BRINP2: variants seen among roughly 807,000 people sequenced by gnomAD.
The protein encoded by BRINP2 is BMP/retinoic acid-inducible neural-specific protein 2.
In BRINP2, 21 loss-of-function variants were observed where a neutral mutation model predicts 69.2. The observed-to-expected ratio is 0.30, with a 90% CI of 0.22 to 0.44. BRINP2 has a LOEUF of 0.44. Ranked by LOEUF, BRINP2 falls within the 20% of genes least tolerant of loss-of-function variation. BRINP2 has a pLI of 1.00. For synonymous variants in BRINP2, 380 were observed against 394.1 expected (o/e 0.96, Z 0.42); for missense variants, 877 against 986.0 (o/e 0.89, Z 1.48).
chr1:177,198,177 G>A (rs1026090759), intron 1 of BRINP2, among the ~76,000 whole-genome samples: 1 of 152,124 alleles, frequency 6.6e-6, no homozygotes, highest in African/African-American at 2.4e-5. Context: ...AAAAGCCTAT[G>A]GAAAATGTAT....
At chr1:177,238,779 G>A (rs1558171853) in intron 2 of BRINP2, among the ~76,000 whole-genome samples, 1 of 152,212 alleles carries the variant, frequency 6.6e-6, no homozygotes, top group Non-Finnish European at 1.5e-5. Flanking sequence ...GGGAAAGAAA[G>A]CATTCTCTCT....
At chr1:177,227,624 ATGG>A (rs1649737156) in intron 1 of BRINP2, among the ~76,000 whole-genome samples, 2 of 149,080 alleles carry the variant, frequency 1.3e-5, no homozygotes, top group African/African-American at 2.5e-5. Context: ...TTTTTTTTTC[ATGG>A]TAATGCATGC....
At chr1:177,232,349 G>A (rs1453889352) in intron 2 of BRINP2, among the ~76,000 whole-genome samples, 2 of 152,148 alleles carry the variant, frequency 1.3e-5, no homozygotes, top group African/African-American at 4.8e-5. Flanking sequence ...CTATCAGTTG[G>A]TAATGGTTTT....
intron 1 of BRINP2, among the ~76,000 whole-genome samples, chr1:177,213,038 C>G (rs992824815): frequency 6.6e-6 from 1 of 152,052 alleles, no homozygotes; most frequent in Non-Finnish European, 1.5e-5. Context: ...TTATGAAGGT[C>G]CTATTAAGCA....
chr1:177,187,757 C>G (rs1224037550), intron 1 of BRINP2, among the ~76,000 whole-genome samples: 2 of 152,140 alleles, frequency 1.3e-5, no homozygotes, highest in Admixed American at 1.3e-4. Context: ...ACTATGAGCT[C>G]TCAAAACCAG....
chr1:177,198,697 A>G (rs1409725129), intron 1 of BRINP2, among the ~76,000 whole-genome samples: 1 of 152,200 alleles, frequency 6.6e-6, no homozygotes, highest in Non-Finnish European at 1.5e-5. Context: ...CCCTCATTGT[A>G]TTCCCAGTTC....
rs1195843384 is a variant in BRINP2 at position 177,280,787 on chromosome 1, G to T, written c.1611G>T (p.Arg537=). ...CCATCTTCATCAGCAATGACATGCGGCTGGGCAGCTGGTTTGACCCTTCCT... is the reference window on the plus strand; with the variant it reads ...CCATCTTCATCAGCAATGACATGCGTCTGGGCAGCTGGTTTGACCCTTCCT... The part of the protein sequence containing the change: ...VHSIFISNDM[R]LGSWFDPSWR... Residue 537 remains arginine (R), a synonymous_variant, in exon 8 of 8, where the codon CGG becomes CGT. Transcript: ENST00000361539. 3.1e-6 allele frequency: 5 copies of T among 1,614,014 alleles called. No homozygotes were observed. In the East Asian group the frequency reaches 1.1e-4, roughly 36 times the overall value.
chr1:177,274,882 AG>A (rs778183704), intron 5 of BRINP2, among the ~76,000 whole-genome samples: 2 of 152,200 alleles, frequency 1.3e-5, no homozygotes, highest in African/African-American at 4.8e-5. Flanking sequence ...ACCTCAAGAA[AG>A]AACAACAAAC....
intron 4 of BRINP2, among the ~76,000 whole-genome samples, chr1:177,266,202 G>A (rs947453049): frequency 6.6e-6 from 1 of 151,980 alleles, no homozygotes. Flanking sequence ...TTAACTAAAC[G>A]ATGTGACTAT....
chr1:177,267,373 T>C (rs1651162082), intron 4 of BRINP2, among the ~76,000 whole-genome samples: 1 of 152,232 alleles, frequency 6.6e-6, no homozygotes, highest in Non-Finnish European at 1.5e-5. Context: ...GGAGATCTTT[T>C]ATCTATTTAT....
intron 2 of BRINP2, among the ~76,000 whole-genome samples, chr1:177,239,946 G>A (rs1396650778): frequency 1.3e-5 from 2 of 152,228 alleles, no homozygotes; most frequent in South Asian, 2.1e-4. Context: ...GCCCAGAAGT[G>A]TGCCTCTTTC....
chr1:177,208,783 TC>T (rs1442409439), intron 1 of BRINP2, among the ~76,000 whole-genome samples: 1 of 152,146 alleles, frequency 6.6e-6, no homozygotes, highest in Non-Finnish European at 1.5e-5. Flanking sequence ...TCAATAAGAA[TC>T]CTTTGAAGGC....
chr1:177,245,421 T>G (rs1399137886), intron 2 of BRINP2, among the ~76,000 whole-genome samples: 1 of 152,216 alleles, frequency 6.6e-6, no homozygotes, highest in African/African-American at 2.4e-5. Flanking sequence ...AGGGGCTATT[T>G]CTTTGCAAAA....
At position 177,221,824 on chromosome 1, in the gene BRINP2, A is replaced by T. The variant is rs533289717; in HGVS notation, c.-76-7977A>T. Among the ~76,000 whole-genome samples the T allele has an allele frequency of 1.6e-4, 24 of 152,370 alleles. 1 individual carries two copies. The South Asian group carries it at 5.0e-3, about 32-fold the overall frequency. On this transcript the variant is annotated intron_variant, in intron 1 of 7. Coordinates refer to ENST00000361539, the MANE Select transcript of BRINP2 (RefSeq NM_021165.4). ...GGGAACAGAGGCTGTAGGAAGCCAAAGCAACCGCATAATCAATGCACAGAG... is the reference window on the plus strand; with the variant it reads ...GGGAACAGAGGCTGTAGGAAGCCAATGCAACCGCATAATCAATGCACAGAG...
chr1:177,258,169 C>T (rs1312532022), intron 4 of BRINP2, among the ~76,000 whole-genome samples: 2 of 152,192 alleles, frequency 1.3e-5, no homozygotes, highest in Admixed American at 1.3e-4. Flanking sequence ...ATCTTCTCTA[C>T]TTACACCTAA....
chr1:177,174,996 C>A (rs1408662526), intron 1 of BRINP2, among the ~76,000 whole-genome samples: 1 of 152,142 alleles, frequency 6.6e-6, no homozygotes, highest in African/African-American at 2.4e-5. Flanking sequence ...GGTAAGCAAG[C>A]AAATTTTAAG....
At chr1:177,251,716 G>T (rs567852158) in intron 2 of BRINP2, among the ~76,000 whole-genome samples, 13 of 152,156 alleles carry the variant, frequency 8.5e-5, no homozygotes, top group Admixed American at 6.6e-4. Flanking sequence ...GAAACTAGAG[G>T]ATACTAGTTC....
At chr1:177,184,023 A>G (rs1481924570) in intron 1 of BRINP2, among the ~76,000 whole-genome samples, 1 of 152,224 alleles carries the variant, frequency 6.6e-6, no homozygotes, top group Non-Finnish European at 1.5e-5. Context: ...TTCCACTTTC[A>G]GTTCCCCATA....
chr1:177,185,499 C>T (rs546096802), intron 1 of BRINP2, among the ~76,000 whole-genome samples: 2 of 152,252 alleles, frequency 1.3e-5, no homozygotes, highest in South Asian at 2.1e-4. Context: ...AAAGTGCATG[C>T]GGAGTTAGGG....
Sources: allele counts gnomAD v4.1 joint callset (sites outside exome capture counted in the v4.1 genomes callset), GRCh38; gene constraint gnomAD v4.1.1; transcripts MANE v1.5; gene names NCBI Gene and HGNC (gene_info 2026-07-23, HGNC 2026-07-21).